WDR47: variants seen among roughly 807,000 people sequenced by gnomAD.
WDR47 encodes the protein WD repeat-containing protein 47.
A neutral mutation model predicts 97.2 loss-of-function variants in WDR47; 32 were observed. The observed-to-expected ratio is 0.33, with a 90% CI of 0.25 to 0.44. The LOEUF (loss-of-function observed/expected upper bound fraction) is 0.44. Among genes scored for constraint, WDR47 ranks in the 20% least tolerant of loss-of-function variants. The probability of loss-of-function intolerance (pLI) is 1.00; values close to 1 mark genes in which losing one functional copy is unlikely to be tolerated. For synonymous variants in WDR47, 375 were observed against 373.5 expected (o/e 1.00, Z -0.05); for missense variants, 782 against 1,102.3 (o/e 0.71, Z 4.11).
intron 7 of WDR47, among the ~76,000 whole-genome samples, chr1:108,998,472 A>G (rs1659922390): frequency 6.6e-6 from 1 of 152,122 alleles, no homozygotes; most frequent in Admixed American, 6.5e-5. Flanking sequence ...ACTGCACTCC[A>G]GCCTAGGCAA....
intron 1 of WDR47, among the ~76,000 whole-genome samples, chr1:109,028,694 G>T (rs375328664): frequency 6.8e-6 from 1 of 147,084 alleles, no homozygotes; most frequent in African/African-American, 2.5e-5. Context: ...CTCGTCATCC[G>T]CCCGCCTCAG....
intron 5 of WDR47, among the ~76,000 whole-genome samples, chr1:109,009,083 CAAAAAAAAAAT>C (rs1254738677): frequency 2.7e-5 from 4 of 146,402 alleles, no homozygotes; most frequent in Non-Finnish European, 6.0e-5. Flanking sequence ...GACTCCATCT[CAAAAAAAAAAT>C]AAAAATAAAA....
At chr1:108,974,281 G>A (rs1657717077) in intron 14 of WDR47, among the ~76,000 whole-genome samples, 1 of 152,172 alleles carries the variant, frequency 6.6e-6, no homozygotes, top group South Asian at 2.1e-4. Context: ...CTTGAGCCCA[G>A]GAGTTCGAGA....
chr1:108,975,014 A>G (rs1428481940), intron 13 of WDR47, among the ~76,000 whole-genome samples: 1 of 152,202 alleles, frequency 6.6e-6, no homozygotes, highest in Non-Finnish European at 1.5e-5. Context: ...AGCATCACCT[A>G]TAGTGCAATA....
chr1:109,016,538 T>G (rs1454778330), intron 3 of WDR47, among the ~76,000 whole-genome samples: 1 of 152,100 alleles, frequency 6.6e-6, no homozygotes, highest in Non-Finnish European at 1.5e-5. Context: ...TCCCCTAAAC[T>G]GTGAAGATGC....
chr1:108,986,944 C>A, intron 9 of WDR47: 1 of 287,422 alleles, frequency 3.5e-6, no homozygotes, highest in Non-Finnish European at 6.9e-6. Flanking sequence ...AAGATACTTC[C>A]AGGTATTATC....
rs181021168 is a variant in WDR47, at chr1:108,986,787, A to G, written c.1768-107T>C. The G allele has an allele frequency of 1.8e-4, 180 of 993,898 alleles. No homozygotes were observed. In the African/African-American group the frequency reaches 2.7e-3, roughly 15 times the overall value. 61.6% of individuals were successfully genotyped at this position (993,898 alleles called of 1,614,324 possible). A position where few individuals can be genotyped will look rare whatever the true frequency, so the allele number is the denominator to read the frequency against. On this transcript the variant is annotated intron_variant, in intron 9 of 14. Transcript: ENST00000369962. ...TGAACTTTATTATTCTTGTTGGATC[A>G]TGTTAGGTTTACTGCCAATAACCAT...
chr1:109,028,458 C>G (rs903361172), intron 1 of WDR47, among the ~76,000 whole-genome samples: 2 of 139,016 alleles, frequency 1.4e-5, no homozygotes, highest in African/African-American at 5.3e-5. Flanking sequence ...GCAATCCACC[C>G]GCCTCGACCT....
chr1:108,976,837 C>T (rs1156496677), intron 13 of WDR47, among the ~76,000 whole-genome samples: 1 of 152,088 alleles, frequency 6.6e-6, no homozygotes, highest in Non-Finnish European at 1.5e-5. Context: ...AGGAGCTTGG[C>T]ATGTTCCAGG....
intron 1 of WDR47, among the ~76,000 whole-genome samples, chr1:109,035,141 G>A (rs1662850731): frequency 6.6e-6 from 1 of 151,416 alleles, no homozygotes; most frequent in Non-Finnish European, 1.5e-5. Flanking sequence ...AGCTACTCAG[G>A]AGGCTGAGGT....
intron 13 of WDR47, among the ~76,000 whole-genome samples, 158 bp from the exon 14 acceptor site, chr1:108,974,912 CAGT>C (rs1657765115): frequency 6.6e-6 from 1 of 152,174 alleles, no homozygotes; most frequent in Non-Finnish European, 1.5e-5. Flanking sequence ...AACCAATAAA[CAGT>C]TGTGTCCTTT....
chr1:109,033,022 G>A (rs571158911), intron 1 of WDR47, among the ~76,000 whole-genome samples: 15 of 151,314 alleles, frequency 9.9e-5, no homozygotes, highest in African/African-American at 2.9e-4. Context: ...GGGGCTGGGC[G>A]CAGTGGCTCA....
intron 5 of WDR47, among the ~76,000 whole-genome samples, chr1:109,006,946 T>A (rs946870328): frequency 2.0e-5 from 3 of 150,176 alleles, no homozygotes; most frequent in African/African-American, 4.9e-5. Context: ...AAAAAAAAAA[T>A]TTTTTTTTTG....
At chr1:109,040,597 CTG>C (rs1389102186) in intron 1 of WDR47, among the ~76,000 whole-genome samples, 1 of 151,998 alleles carries the variant, frequency 6.6e-6, no homozygotes, top group Non-Finnish European at 1.5e-5. Flanking sequence ...TAACAATATA[CTG>C]TTGTGACTTG....
At chr1:108,990,514 T>A (rs928740046) in intron 9 of WDR47, among the ~76,000 whole-genome samples, 52 of 151,474 alleles carry the variant, frequency 3.4e-4, no homozygotes, top group African/African-American at 1.2e-3. Context: ...TGGCCTAATA[T>A]TTTTTTTTAA....
At chr1:109,027,412 T>C (rs1557961079) in intron 1 of WDR47, among the ~76,000 whole-genome samples, 1 of 152,136 alleles carries the variant, frequency 6.6e-6, no homozygotes, top group Non-Finnish European at 1.5e-5. Context: ...AATATAGGCA[T>C]AGGCACATGC....
chr1:109,015,467 G>T (rs1397582217), intron 3 of WDR47, among the ~76,000 whole-genome samples: 1 of 151,596 alleles, frequency 6.6e-6, no homozygotes, highest in Non-Finnish European at 1.5e-5. Flanking sequence ...GGGATTACAG[G>T]CATGTGCCAC....
At position 109,015,784 on chromosome 1, in the gene WDR47, G is replaced by A. The variant is rs191998440; in HGVS notation, c.242+1734C>T. ...GGGTGGATCACGAGGTCAGGAGCTC[G>A]AGACCAGCCTGACCAACATGGTGAA... is the stretch of plus-strand genomic sequence containing the variant. On this transcript the variant is annotated intron_variant, in intron 3 of 14. Coordinates refer to ENST00000369962, the MANE Select transcript of WDR47 (RefSeq NM_001142551.2). Among the ~76,000 whole-genome samples, 361 of 151,036 alleles carry A rather than the reference G, an allele frequency of 2.4e-3. 1 individual carries two copies. The highest frequency in any genetic ancestry group is 4.4e-3 in the Non-Finnish European group (300 of 67,664).
intron 1 of WDR47, among the ~76,000 whole-genome samples, chr1:109,024,015 A>ACT (rs1388988415): frequency 3.9e-5 from 6 of 152,240 alleles, no homozygotes; most frequent in African/African-American, 1.2e-4. Flanking sequence ...CTCAATAAGT[A>ACT]CTTAATGCCT....
Sources: gnomAD v4.1 joint callset for allele counts (sites outside exome capture counted in the v4.1 genomes callset) on GRCh38, gnomAD v4.1.1 for gene constraint, MANE v1.5 for transcripts, NCBI Gene and HGNC (gene_info 2026-07-23, HGNC 2026-07-21) for gene names.